The following RNF185 variants were observed in gnomAD, a reference collection of about 807,000 sequenced individuals.
RNF185 encodes ring finger protein 185, also known as E3 ubiquitin-protein ligase RNF185.
In RNF185, 13 loss-of-function variants were observed where a neutral mutation model predicts 24.9. The ratio of observed to expected loss-of-function variants is 0.52; its 90% CI spans 0.34 to 0.83. The LOEUF is 0.83. Among genes scored for constraint, RNF185 ranks in the 40% least tolerant of loss-of-function variants. The pLI, the probability that RNF185 is intolerant of heterozygous loss-of-function variation, is 0.01. For missense variants in RNF185, 184 were observed against 244.7 expected, an observed-to-expected ratio of 0.75 and a Z score of 1.65; for synonymous variants, 79 against 90.3, an observed-to-expected ratio of 0.88 and a Z score of 0.71.
chr22:31,175,951 T>A (rs2047978145), intron 1 of RNF185, among the ~76,000 whole-genome samples: 1 of 152,188 alleles, frequency 6.6e-6, no homozygotes, highest in Admixed American at 6.5e-5. Context: ...TAATTTGAGA[T>A]GGGAGCTCTC....
intron 2 of RNF185, among the ~76,000 whole-genome samples, chr22:31,188,246 C>T (rs770237303): frequency 8.6e-5 from 13 of 152,020 alleles, no homozygotes; most frequent in African/African-American, 1.7e-4. Flanking sequence ...AAGAAAAGGC[C>T]GTTTAAACAA....
intron 1 of RNF185, among the ~76,000 whole-genome samples, chr22:31,168,565 A>G (rs965810710): frequency 6.6e-6 from 1 of 152,180 alleles, no homozygotes; most frequent in Admixed American, 6.5e-5. Flanking sequence ...GCTTTCAATT[A>G]TTTGGGTACA....
At chr22:31,202,368 T>C (rs553465078) in intron 6 of RNF185, among the ~76,000 whole-genome samples, 2 of 152,244 alleles carry the variant, frequency 1.3e-5, no homozygotes, top group Admixed American at 6.5e-5. Flanking sequence ...TGGAGCTTCA[T>C]GTGCACTGGA....
chr22:31,191,526 G>C (rs569803735), intron 2 of RNF185, among the ~76,000 whole-genome samples: 3 of 152,092 alleles, frequency 2.0e-5, no homozygotes, highest in Non-Finnish European at 4.4e-5. Flanking sequence ...CTAAATAAAC[G>C]AGAGAAAGAA....
At chr22:31,175,013 C>T (rs1426103056) in intron 1 of RNF185, among the ~76,000 whole-genome samples, 1 of 149,598 alleles carries the variant, frequency 6.7e-6, no homozygotes, top group Non-Finnish European at 1.5e-5. Flanking sequence ...GCAGAGGTTG[C>T]GGTGAGCCGA....
intron 1 of RNF185, among the ~76,000 whole-genome samples, chr22:31,181,869 G>A (rs1458264425): frequency 1.4e-5 from 2 of 142,538 alleles, no homozygotes; most frequent in Admixed American, 7.3e-5. Flanking sequence ...TGGGGGGAGG[G>A]GGAAGGGATA....
intron 6 of RNF185, 43 bp downstream of exon 6, chr22:31,201,658 A>G (rs1262180368): frequency 3.6e-6 from 5 of 1,394,874 alleles, no homozygotes; most frequent in Non-Finnish European, 5.1e-6. Context: ...ATATCTTAGT[A>G]ATATTGCTTG....
chr22:31,172,072 T>C (rs991033492), intron 1 of RNF185, among the ~76,000 whole-genome samples: 3 of 152,252 alleles, frequency 2.0e-5, no homozygotes, highest in African/African-American at 7.2e-5. Context: ...GTCAAACTTA[T>C]TGTTTTTATA....
Position 31,162,053 on chromosome 22 carries a change from A to G in RNF185, c.-49+1750A>G, listed in dbSNP as rs1461677617. 2.6e-4 allele frequency among the ~76,000 whole-genome samples: 39 copies of G among 152,072 alleles called. 1 individual carries two copies. Among genetic ancestry groups the G allele is most frequent in the Admixed American group, 1.6e-3 (24 of 15,260 alleles). On this transcript the variant is annotated intron_variant, in intron 1 of 6. Transcript: ENST00000326132. ...CATACCTTTGGTTTTCTAATCAAACATTATTATGTCCTTATTTTGTGCATT... is the reference window on the plus strand; with the variant it reads ...CATACCTTTGGTTTTCTAATCAAACGTTATTATGTCCTTATTTTGTGCATT...
chr22:31,198,651 G>A (rs1342241082), intron 5 of RNF185, among the ~76,000 whole-genome samples: 1 of 147,380 alleles, frequency 6.8e-6, no homozygotes, highest in Non-Finnish European at 1.5e-5. Context: ...CGCCCTCCTT[G>A]GCCTCCCAAA....
At chr22:31,176,709 C>T (rs2047986570) in intron 1 of RNF185, among the ~76,000 whole-genome samples, 2 of 151,324 alleles carry the variant, frequency 1.3e-5, no homozygotes, top group Admixed American at 6.6e-5. Context: ...AGGATGGTCT[C>T]GATCTCCTGA....
At position 31,195,452 on chromosome 22, in the gene RNF185, T is replaced by C; in HGVS notation, c.196-17T>C. The C allele has an allele frequency of 6.4e-7, 1 of 1,570,044 alleles. No homozygotes were observed. Among genetic ancestry groups the C allele is most frequent in the South Asian group, 1.2e-5 (1 of 85,908 alleles). On this transcript the variant is annotated splice_polypyrimidine_tract_variant and intron_variant, in intron 3 of 6. Transcript: ENST00000326132. ...GGTCTTGGGCCATCCACATGCATTT[T>C]TCTCTCCTGTTTGCAGTGGTTGGAG...
intron 3 of RNF185, among the ~76,000 whole-genome samples, chr22:31,192,942 T>C (rs1268613741): frequency 6.6e-6 from 1 of 152,244 alleles, no homozygotes; most frequent in African/African-American, 2.4e-5. Flanking sequence ...ATAAATTGGA[T>C]TGGATTGATA....
At position 31,162,890 on chromosome 22, in the gene RNF185, G is replaced by A. The variant is rs569978408; in HGVS notation, c.-49+2587G>A. Among the ~76,000 whole-genome samples, 107 of 150,542 alleles carry A rather than the reference G, an allele frequency of 7.1e-4. 2 individuals are homozygous for A. Among genetic ancestry groups the A allele is most frequent in the Admixed American group, 7.0e-3 (105 of 14,986 alleles). On this transcript the variant is annotated intron_variant, in intron 1 of 6. Transcript: ENST00000326132. Reference sequence around the variant, plus strand: ...TGCCATTCTCCTGCCTCAGCCTCCCGAATAGCTGGGACTACAGGCGCCCAC... The same window carrying A: ...TGCCATTCTCCTGCCTCAGCCTCCCAAATAGCTGGGACTACAGGCGCCCAC...
At chr22:31,192,156 A>C (rs2048161999) in intron 2 of RNF185, among the ~76,000 whole-genome samples, 1 of 152,190 alleles carries the variant, frequency 6.6e-6, no homozygotes, top group Non-Finnish European at 1.5e-5. Flanking sequence ...CTCAAGGATG[A>C]GGACAGCCTG....
chr22:31,183,240 G>T (rs2048057532), intron 1 of RNF185, among the ~76,000 whole-genome samples: 1 of 152,060 alleles, frequency 6.6e-6, no homozygotes, highest in African/African-American at 2.4e-5. Context: ...CATTTTAGAT[G>T]CTTGATCAGT....
chr22:31,196,832 AAG>A, intron 4 of RNF185, 102 bp from the exon 5 acceptor site: 2 of 1,474,664 alleles, frequency 1.4e-6, no homozygotes, highest in Non-Finnish European at 1.8e-6. Context: ...CTGGACAAGA[AAG>A]AGGCTATGGC....
chr22:31,203,560 C>CAGATAGA (rs2048283681), intron 6 of RNF185, among the ~76,000 whole-genome samples: 3 of 152,166 alleles, frequency 2.0e-5, no homozygotes, highest in Admixed American at 2.0e-4. Flanking sequence ...AAACACTTAG[C>CAGATAGA]AGATAGAAGA....
chr22:31,183,597 A>G (rs1349669335), intron 1 of RNF185, among the ~76,000 whole-genome samples: 2 of 152,110 alleles, frequency 1.3e-5, no homozygotes, highest in Non-Finnish European at 2.9e-5. Flanking sequence ...CTTAACGAGT[A>G]TGCTGCCTTC....
Sources: allele counts gnomAD v4.1 joint callset (sites outside exome capture counted in the v4.1 genomes callset), GRCh38; gene constraint gnomAD v4.1.1; transcripts MANE v1.5; gene names NCBI Gene and HGNC (gene_info 2026-07-23, HGNC 2026-07-21).